Variants in SLCO1A2 observed in about 807,000 individuals in gnomAD.
SLCO1A2 encodes solute carrier organic anion transporter family member 1A2, also known as OATP-1.
A neutral mutation model predicts 69.0 loss-of-function variants in SLCO1A2; 67 were observed. The ratio of observed to expected loss-of-function variants is 0.97; its 90% CI spans 0.80 to 1.19. The LOEUF (loss-of-function observed/expected upper bound fraction) is 1.19, where lower values mean the gene tolerates loss of function less well. Ranked by LOEUF, SLCO1A2 falls within the 50% of genes most tolerant of loss-of-function variation. SLCO1A2 has a pLI of 0.00. For synonymous variants in SLCO1A2, 260 were observed against 265.9 expected (o/e 0.98, Z 0.22); for missense variants, 787 against 793.7 (o/e 0.99, Z 0.10).
rs2136003639 is a variant in SLCO1A2, at chr12:21,265,381, G to C, written c.*4167C>G. 6.6e-6 allele frequency: 1 copy of C among 152,608 alleles called. No homozygotes were observed. Among genetic ancestry groups the C allele is most frequent in the East Asian group, 1.9e-4 (1 of 5,190 alleles). The allele number at this position is 152,608 out of a possible 1,614,324, so 9.5% of individuals were successfully genotyped here. A position where few individuals can be genotyped will look rare whatever the true frequency, so the allele number is the denominator to read the frequency against. On this transcript the variant is annotated 3_prime_UTR_variant, in exon 15 of 15. Coordinates refer to ENST00000683939, the MANE Select transcript of SLCO1A2 (RefSeq NM_001386879.1). ...CTGGGAAGTCAAGAGATGGATTCCA[G>C]GTTTGAGGATAGATTGCAGCTGGAT...
intron 1 of SLCO1A2, among the ~76,000 whole-genome samples, chr12:21,417,070 A>G (rs1053689556): frequency 2.0e-5 from 3 of 152,158 alleles, no homozygotes; most frequent in Non-Finnish European, 4.4e-5. Context: ...AGTAGCACAC[A>G]GTGGTACTCA....
chr12:21,339,320 T>A (rs1952991290), upstream of SLCO1A2, among the ~76,000 whole-genome samples: 1 of 151,926 alleles, frequency 6.6e-6, no homozygotes, highest in Non-Finnish European at 1.5e-5. Flanking sequence ...TGCAGACAAT[T>A]TGAGCTAAGT....
chr12:21,302,511 C>A (rs1000188698), intron 6 of SLCO1A2, among the ~76,000 whole-genome samples: 1 of 151,984 alleles, frequency 6.6e-6, no homozygotes, highest in Non-Finnish European at 1.5e-5. Context: ...TGTTCTTCCA[C>A]AGCAACCTTA....
chr12:21,309,510 C>T (rs1173389572), intron 4 of SLCO1A2, among the ~76,000 whole-genome samples: 1 of 152,036 alleles, frequency 6.6e-6, no homozygotes, highest in Non-Finnish European at 1.5e-5. Context: ...TTAGATAGAG[C>T]TAGAAAACAT....
chr12:21,345,245 G>T (rs1953214994), intron 2 of SLCO1A2, among the ~76,000 whole-genome samples: 1 of 151,804 alleles, frequency 6.6e-6, no homozygotes, highest in African/African-American at 2.4e-5. Flanking sequence ...AGAAAATAAG[G>T]GCTAAATACA....
chr12:21,291,131 T>C (rs141680214), intron 12 of SLCO1A2, among the ~76,000 whole-genome samples: 22 of 152,242 alleles, frequency 1.4e-4, no homozygotes, highest in Non-Finnish European at 2.2e-4. Context: ...TTTACACCCA[T>C]TGGATTAGTC....
intron 1 of SLCO1A2, among the ~76,000 whole-genome samples, chr12:21,387,889 A>G (rs1940963468): frequency 6.6e-6 from 1 of 152,246 alleles, no homozygotes; most frequent in South Asian, 2.1e-4. Flanking sequence ...ATCCTACAAA[A>G]CCACAGAGGT....
intron 12 of SLCO1A2, among the ~76,000 whole-genome samples, chr12:21,289,182 T>TTC (rs1053187412): frequency 1.8e-5 from 2 of 108,146 alleles, no homozygotes; most frequent in African/African-American, 6.5e-5. Flanking sequence ...AATGGTACCA[T>TTC]TCTGTGTGTG....
At chr12:21,374,734 T>G (rs1940062666) in intron 1 of SLCO1A2, among the ~76,000 whole-genome samples, 1 of 152,206 alleles carries the variant, frequency 6.6e-6, no homozygotes, top group Non-Finnish European at 1.5e-5. Flanking sequence ...TATATCTGTT[T>G]ATATCTTGAT....
intron 1 of SLCO1A2, among the ~76,000 whole-genome samples, chr12:21,385,237 T>G (rs1054654193): frequency 2.0e-5 from 3 of 152,200 alleles, no homozygotes; most frequent in Admixed American, 2.0e-4. Flanking sequence ...AAAACTCTCT[T>G]CTGGTTTCTG....
rs1464748664 is a variant in SLCO1A2, at chr12:21,318,848, G to T, written c.136C>A (p.Gln46Lys). ...GGGATGTTGAATTGTCTCTCTATTTGTGTGAGCATGGAATTCATATAAGAT... is the reference window on the plus strand; with the variant it reads ...GGGATGTTGAATTGTCTCTCTATTTTTGTGAGCATGGAATTCATATAAGAT... ...SGSYMNSMLT[Q>K]IERQFNIPTS... Residue 46 changes from glutamine to lysine, a missense_variant, in exon 3 of 15, where the codon CAA becomes AAA. By Grantham distance (53) the Gln-to-Lys change is moderately conservative (BLOSUM62 1). Coordinates refer to ENST00000683939, the MANE Select transcript of SLCO1A2 (RefSeq NM_001386879.1). 6.2e-7 allele frequency: 1 copy of T among 1,611,132 alleles called. No individual in the cohort carries two copies. Among genetic ancestry groups the T allele is most frequent in the African/African-American group, 1.3e-5 (1 of 74,964 alleles).
chr12:21,349,151 G>A (rs988679891), intron 2 of SLCO1A2, among the ~76,000 whole-genome samples: 12 of 152,110 alleles, frequency 7.9e-5, no homozygotes, highest in African/African-American at 2.9e-4. Context: ...AATAATATTT[G>A]TATTACAAGA....
chr12:21,400,813 T>G (rs1941669057), intron 1 of SLCO1A2, among the ~76,000 whole-genome samples: 1 of 139,002 alleles, frequency 7.2e-6, no homozygotes. Flanking sequence ...CACTCATAGG[T>G]GGGAATTGAA....
At chr12:21,406,076 G>A (rs1022827316) in intron 1 of SLCO1A2, among the ~76,000 whole-genome samples, 5 of 152,196 alleles carry the variant, frequency 3.3e-5, no homozygotes, top group Admixed American at 2.0e-4. Flanking sequence ...TCTGGTTGAA[G>A]GAAGAAAGAA....
At chr12:21,336,913 TTTA>T (rs1952909871), upstream of SLCO1A2, among the ~76,000 whole-genome samples, 1 of 152,016 alleles carries the variant, frequency 6.6e-6, no homozygotes, top group South Asian at 2.1e-4. Context: ...ATGCTGAAGT[TTTA>T]TTAAGTGGAG....
At position 21,268,610 on chromosome 12, in the gene SLCO1A2, C is replaced by T. The variant is rs1942313513; in HGVS notation, c.*938G>A. The T allele has an allele frequency of 6.6e-6, 1 of 151,956 alleles. No individual in the cohort carries two copies. The highest frequency in any genetic ancestry group is 2.4e-5 in the African/African-American group (1 of 41,382). 9.4% of individuals were successfully genotyped at this position (151,956 alleles called of 1,614,324 possible). A position where few individuals can be genotyped will look rare whatever the true frequency, so the allele number is the denominator to read the frequency against. On this transcript the variant is annotated 3_prime_UTR_variant, in exon 15 of 15. Transcript: ENST00000683939. ...ATTTAGCTTTTAATATGTACCTTAG[C>T]CTTTACTAACCTCTGTTTCATAACA...
chr12:21,299,764 A>G (rs1245217144), intron 8 of SLCO1A2, among the ~76,000 whole-genome samples: 1 of 128,860 alleles, frequency 7.8e-6, no homozygotes, highest in African/African-American at 3.3e-5. Context: ...CCATATATAT[A>G]CGTGTGTATA....
chr12:21,287,529 A>T (rs1167863289), intron 12 of SLCO1A2, among the ~76,000 whole-genome samples: 1 of 146,100 alleles, frequency 6.8e-6, no homozygotes, highest in Middle Eastern at 3.4e-3. Flanking sequence ...CCAAACGACT[A>T]TAAATCATGC....
chr12:21,341,990 A>C (rs10459076), intron 2 of SLCO1A2, among the ~76,000 whole-genome samples: 124,932 of 151,910 alleles, frequency 0.82, 52,140 homozygotes, highest in East Asian at 1. Flanking sequence ...TGACTCACCT[A>C]TCCTTCCCTT....
Sources: allele counts gnomAD v4.1 joint callset (sites outside exome capture counted in the v4.1 genomes callset), GRCh38; gene constraint gnomAD v4.1.1; transcripts MANE v1.5; gene names NCBI Gene and HGNC (gene_info 2026-07-23, HGNC 2026-07-21).